Variants in CNTNAP5 observed in about 807,000 individuals in gnomAD.
The protein encoded by CNTNAP5 is contactin-associated protein-like 5.
A neutral mutation model predicts 150.2 loss-of-function variants in CNTNAP5; 72 were observed. That is an observed-to-expected ratio of 0.48 (90% confidence interval 0.40 to 0.58). The LOEUF is 0.58. Ranked by LOEUF, CNTNAP5 falls within the 20% of genes least tolerant of loss-of-function variation. CNTNAP5 has a pLI of 0.00. For synonymous variants in CNTNAP5, 672 were observed against 619.8 expected, an observed-to-expected ratio of 1.08 and a Z score of -1.25; for missense variants, 1,636 against 1,626.2, an observed-to-expected ratio of 1.01 and a Z score of -0.10.
chr2:124,034,991 TCCCTCCCCTC>T (rs1240092032), intron 1 of CNTNAP5, among the ~76,000 whole-genome samples: 4 of 132,796 alleles, frequency 3.0e-5, no homozygotes, highest in African/African-American at 8.2e-5. Context: ...CCACAAGTCC[TCCCTCCCCTC>T]CCCTCCCCTC....
chr2:124,502,627 C>T (rs769407628), intron 7 of CNTNAP5, among the ~76,000 whole-genome samples: 1 of 152,192 alleles, frequency 6.6e-6, no homozygotes, highest in Non-Finnish European at 1.5e-5. Context: ...AGCTTCTCTG[C>T]AGAGCATTTG....
intron 13 of CNTNAP5, among the ~76,000 whole-genome samples, chr2:124,688,949 T>C (rs1362914522): frequency 6.6e-6 from 1 of 152,136 alleles, no homozygotes; most frequent in Admixed American, 6.6e-5. Context: ...TCAGTGGTAA[T>C]GTATTTTGAT....
chr2:124,495,266 A>G (rs1356036793), intron 7 of CNTNAP5, among the ~76,000 whole-genome samples: 1 of 152,164 alleles, frequency 6.6e-6, no homozygotes, highest in Non-Finnish European at 1.5e-5. Context: ...TGTAAATCTT[A>G]GTCCAATTTC....
chr2:124,606,959 AAAC>A (rs200707108), intron 11 of CNTNAP5, among the ~76,000 whole-genome samples: 4,232 of 152,260 alleles, frequency 0.028, 64 homozygotes, highest in African/African-American at 0.041. Flanking sequence ...ACAAGTCATG[AAAC>A]AACACTACTA....
chr2:124,727,164 G>T (rs1680173949), intron 13 of CNTNAP5, among the ~76,000 whole-genome samples: 1 of 151,918 alleles, frequency 6.6e-6, no homozygotes, highest in Non-Finnish European at 1.5e-5. Context: ...GATTCATTTT[G>T]AGGTTATTTA....
intron 3 of CNTNAP5, among the ~76,000 whole-genome samples, chr2:124,313,774 A>G (rs1688891021): frequency 6.6e-6 from 1 of 152,164 alleles, no homozygotes; most frequent in South Asian, 2.1e-4. Flanking sequence ...TGTGGAATCC[A>G]ATAAAACCAC....
At chr2:124,527,767 A>G (rs1159308783) in intron 10 of CNTNAP5, among the ~76,000 whole-genome samples, 1 of 152,228 alleles carries the variant, frequency 6.6e-6, no homozygotes, top group African/African-American at 2.4e-5. Context: ...AGCAAAAAGG[A>G]GGAAGGAATT....
At chr2:124,836,005 G>A (rs1171733468) in intron 19 of CNTNAP5, among the ~76,000 whole-genome samples, 1 of 152,094 alleles carries the variant, frequency 6.6e-6, no homozygotes, top group Non-Finnish European at 1.5e-5. Flanking sequence ...GAGAGAGAGA[G>A]AAAAGGAGAT....
chr2:124,677,786 G>T (rs1389173093), intron 13 of CNTNAP5, among the ~76,000 whole-genome samples: 1 of 151,814 alleles, frequency 6.6e-6, no homozygotes, highest in Non-Finnish European at 1.5e-5. Context: ...TGATTGGTGC[G>T]TTTACAATCC....
chr2:124,364,890 CCT>C (rs55905248), intron 3 of CNTNAP5, among the ~76,000 whole-genome samples: 33,746 of 151,936 alleles, frequency 0.22, 3,945 homozygotes, highest in Middle Eastern at 0.26. Flanking sequence ...CTAGGGCATT[CCT>C]CATTATGCCC....
intron 7 of CNTNAP5, among the ~76,000 whole-genome samples, chr2:124,502,323 G>A (rs950723293): frequency 6.6e-6 from 1 of 152,146 alleles, no homozygotes; most frequent in Non-Finnish European, 1.5e-5. Flanking sequence ...GATCAAATAA[G>A]GAAAGAATCT....
intron 11 of CNTNAP5, among the ~76,000 whole-genome samples, chr2:124,603,218 A>G (rs765292028): frequency 6.6e-6 from 1 of 152,148 alleles, no homozygotes; most frequent in Non-Finnish European, 1.5e-5. Flanking sequence ...ACATTCCAGT[A>G]TTGTAGATTT....
intron 1 of CNTNAP5, among the ~76,000 whole-genome samples, chr2:124,139,384 CTA>C (rs1367384408): frequency 6.6e-6 from 1 of 151,950 alleles, no homozygotes; most frequent in Non-Finnish European, 1.5e-5. Context: ...TTGAAAAATA[CTA>C]AAGACAAGAG....
At chr2:124,171,525 C>T (rs1231297348) in intron 1 of CNTNAP5, among the ~76,000 whole-genome samples, 1 of 152,124 alleles carries the variant, frequency 6.6e-6, no homozygotes, top group African/African-American at 2.4e-5. Flanking sequence ...TCACCAGAGT[C>T]CTTGGGGTCA....
chr2:124,046,770 A>T (rs979988836), intron 1 of CNTNAP5, among the ~76,000 whole-genome samples: 1 of 152,214 alleles, frequency 6.6e-6, no homozygotes, highest in Non-Finnish European at 1.5e-5. Flanking sequence ...GGATTAAAAA[A>T]TGGTTTCATA....
At chr2:124,033,565 A>G (rs1681121933) in intron 1 of CNTNAP5, among the ~76,000 whole-genome samples, 1 of 152,158 alleles carries the variant, frequency 6.6e-6, no homozygotes, top group Non-Finnish European at 1.5e-5. Context: ...TTTCAGATGT[A>G]CGATAAAAGG....
intron 3 of CNTNAP5, among the ~76,000 whole-genome samples, chr2:124,317,489 G>A (rs1688996997): frequency 6.6e-6 from 1 of 151,996 alleles, no homozygotes; most frequent in African/African-American, 2.4e-5. Context: ...GCCCATCTAG[G>A]CCCTGTCCAA....
At chr2:124,512,723 A>G (rs1372340489) in intron 8 of CNTNAP5, among the ~76,000 whole-genome samples, 2 of 152,206 alleles carry the variant, frequency 1.3e-5, no homozygotes, top group African/African-American at 4.8e-5. Flanking sequence ...TCCAAAACAA[A>G]CAAACAAACA....
intron 21 of CNTNAP5, among the ~76,000 whole-genome samples, chr2:124,899,762 A>G (rs1678378340): frequency 1.3e-5 from 2 of 151,398 alleles, no homozygotes; most frequent in African/African-American, 2.5e-5. Flanking sequence ...AACACAGCAC[A>G]TGAAACAGTC....
Sources: allele counts gnomAD v4.1 joint callset (sites outside exome capture counted in the v4.1 genomes callset), GRCh38; gene constraint gnomAD v4.1.1; transcripts MANE v1.5; gene names NCBI Gene and HGNC (gene_info 2026-07-23, HGNC 2026-07-21).